The following EXD2 variants were observed in gnomAD, a reference collection of about 807,000 sequenced individuals.
EXD2 encodes the protein exonuclease 3'-5' domain containing 2.
Under a neutral mutation model 62.5 loss-of-function variants are expected in EXD2, and 40 were observed. The observed-to-expected ratio is 0.64, with a 90% CI of 0.50 to 0.83. EXD2 has a LOEUF of 0.83. Ranked by LOEUF, EXD2 falls within the 40% of genes least tolerant of loss-of-function variation. The probability of loss-of-function intolerance (pLI) is 0.00; values close to 1 mark genes in which losing one functional copy is unlikely to be tolerated. For missense variants in EXD2, 671 were observed against 761.8 expected, an observed-to-expected ratio of 0.88 and a Z score of 1.40; for synonymous variants, 239 against 291.9, an observed-to-expected ratio of 0.82 and a Z score of 1.85.
At chr14:69,203,049 G>T (rs577095380) in intron 1 of EXD2, among the ~76,000 whole-genome samples, 14 of 152,140 alleles carry the variant, frequency 9.2e-5, no homozygotes, top group African/African-American at 3.4e-4. Flanking sequence ...GTTAGACCGT[G>T]TCTCAAGTTT....
chr14:69,203,826 T>C (rs1353812545), intron 1 of EXD2, 91 bp from the exon 2 acceptor site: 1 of 152,224 alleles, frequency 6.6e-6, no homozygotes, highest in East Asian at 1.9e-4. Flanking sequence ...TATAGAATCC[T>C]AATGTTCTAG....
chr14:69,193,359 C>A (rs923987839), intron 1 of EXD2, among the ~76,000 whole-genome samples: 14 of 152,146 alleles, frequency 9.2e-5, no homozygotes, highest in African/African-American at 3.1e-4. Context: ...GTGTCTGGCC[C>A]ACCATGCTCT....
intron 1 of EXD2, among the ~76,000 whole-genome samples, chr14:69,202,120 G>A (rs903482263): frequency 1.3e-5 from 2 of 152,188 alleles, no homozygotes; most frequent in East Asian, 1.9e-4. Context: ...GCGAAACCCC[G>A]TTTCTACCAA....
chr14:69,198,529 C>T (rs145922868), intron 1 of EXD2, among the ~76,000 whole-genome samples: 125 of 152,262 alleles, frequency 8.2e-4, no homozygotes, highest in African/African-American at 2.8e-3. Flanking sequence ...TAATGATGGC[C>T]CCTCATGACT....
chr14:69,233,036 T>C (rs1433509802), intron 5 of EXD2, among the ~76,000 whole-genome samples: 2 of 152,234 alleles, frequency 1.3e-5, no homozygotes, highest in Non-Finnish European at 2.9e-5. Context: ...CTGTGATCCA[T>C]TTTGAGTTAA....
chr14:69,237,617 C>G lies in EXD2; in HGVS notation c.1335C>G (p.Ile445Met), dbSNP rs34760964. Residue 445 changes from isoleucine to methionine, a missense_variant, in exon 9 of 10, where the codon ATC becomes ATG. By Grantham distance (10) the Ile-to-Met change is conservative. Coordinates refer to ENST00000685843, the MANE Select transcript of EXD2 (RefSeq NM_001193360.2). ...IPHEYRKHFPIEMKDHNSHDV... is the reference protein window; with the variant it reads ...IPHEYRKHFPMEMKDHNSHDV... ...ATGAGTACCGGAAGCACTTCCCCAT[C>G]GAGATGAAGGACCACAACTCCCACG... 1.2e-6 allele frequency: 2 copies of G among 1,614,084 alleles called. No individual in the cohort carries two copies. Among genetic ancestry groups the G allele is most frequent in the African/African-American group, 2.7e-5 (2 of 74,938 alleles).
chr14:69,192,690 T>C (rs1300900137), intron 1 of EXD2, among the ~76,000 whole-genome samples: 2 of 152,238 alleles, frequency 1.3e-5, no homozygotes, highest in African/African-American at 4.8e-5. Flanking sequence ...GTATAAGATA[T>C]ATGTTTGTAA....
At chr14:69,201,048 G>A (rs542457295) in intron 1 of EXD2, among the ~76,000 whole-genome samples, 50 of 151,158 alleles carry the variant, frequency 3.3e-4, no homozygotes, top group Admixed American at 6.6e-4. Context: ...CACTCCAGCC[G>A]GAGTGACAAG....
chr14:69,230,987 G>A (rs147491484), intron 5 of EXD2, among the ~76,000 whole-genome samples: 308 of 152,294 alleles, frequency 2.0e-3, no homozygotes, highest in African/African-American at 6.4e-3. Context: ...GTTTCACCAC[G>A]TTGGTCAGGC....
At chr14:69,232,643 T>C (rs1490158539) in intron 5 of EXD2, among the ~76,000 whole-genome samples, 1 of 152,228 alleles carries the variant, frequency 6.6e-6, no homozygotes. Context: ...CCCTTGTGAC[T>C]AATGATGCTG....
At chr14:69,194,901 C>G (rs1039244330) in intron 1 of EXD2, among the ~76,000 whole-genome samples, 2 of 152,132 alleles carry the variant, frequency 1.3e-5, no homozygotes, top group African/African-American at 4.8e-5. Context: ...ATTTTACAGT[C>G]AACTTGTCAA....
chr14:69,219,742 A>G (rs1292342014), intron 3 of EXD2, among the ~76,000 whole-genome samples: 1 of 152,110 alleles, frequency 6.6e-6, no homozygotes, highest in African/African-American at 2.4e-5. Flanking sequence ...TTACTTGTAG[A>G]TTCTTTTGGA....
At chr14:69,230,969 G>C (rs902436249) in intron 5 of EXD2, among the ~76,000 whole-genome samples, 1 of 152,148 alleles carries the variant, frequency 6.6e-6, no homozygotes, top group African/African-American at 2.4e-5. Flanking sequence ...ATTTTCAGTA[G>C]AGATGGGGTT....
chr14:69,233,764 C>CT lies in EXD2; in HGVS notation c.718-917dup, dbSNP rs1392382633. On this transcript the variant is annotated intron_variant, in intron 5 of 9. Coordinates refer to ENST00000685843, the MANE Select transcript of EXD2 (RefSeq NM_001193360.2). ...CCGAATTTTAGTTTTGACCACGCTA[C>CT]TTTTTTTTTTTTTTTTTTTGAGATA... Among the ~76,000 whole-genome samples, 964 of 115,218 alleles carry CT rather than the reference C, an allele frequency of 8.4e-3. 8 individuals are homozygous for CT. Among genetic ancestry groups the CT allele is most frequent in the South Asian group, 0.033 (117 of 3,540 alleles). 75.6% of individuals were successfully genotyped at this position (115,218 alleles called of 152,430 possible).
chr14:69,233,577 T>C (rs1381648864), intron 5 of EXD2, among the ~76,000 whole-genome samples: 5 of 151,408 alleles, frequency 3.3e-5, no homozygotes, highest in Admixed American at 6.6e-5. Context: ...GTAGATGGGA[T>C]TACAGGCGCG....
At chr14:69,236,654 G>A (rs2043801764) in intron 8 of EXD2, 112 bp downstream of exon 8, 4 of 1,409,254 alleles carry the variant, frequency 2.8e-6, no homozygotes, top group Non-Finnish European at 2.0e-6. Flanking sequence ...TTGGCTGAGA[G>A]GCTTGTTCCT....
chr14:69,235,072 C>A (rs756516458), intron 6 of EXD2, 41 bp downstream of exon 6: 4 of 1,502,950 alleles, frequency 2.7e-6, no homozygotes, highest in Non-Finnish European at 3.5e-6. Context: ...GTCAGTGGCC[C>A]AGCCTTAGCA....
chr14:69,220,794 G>A (rs902024854), intron 3 of EXD2, among the ~76,000 whole-genome samples: 18 of 151,918 alleles, frequency 1.2e-4, no homozygotes, highest in African/African-American at 2.9e-4. Flanking sequence ...GCTTGAAACC[G>A]GAAGGCAGAG....
At chr14:69,209,995 A>G (rs2140237003) in intron 3 of EXD2, 192 bp downstream of exon 3, 2 of 467,996 alleles carry the variant, frequency 4.3e-6, no homozygotes, top group East Asian at 6.6e-5. Flanking sequence ...GCTTACAATT[A>G]TGGATTACAA....
Sources: allele counts gnomAD v4.1 joint callset (sites outside exome capture counted in the v4.1 genomes callset), GRCh38; gene constraint gnomAD v4.1.1; transcripts MANE v1.5; gene names NCBI Gene and HGNC (gene_info 2026-07-23, HGNC 2026-07-21).